Variants in ZBTB17 observed in about 807,000 individuals in gnomAD.
The protein encoded by ZBTB17 is zinc finger and BTB domain-containing protein 17.
In ZBTB17, 24 loss-of-function variants were observed where a neutral mutation model predicts 85.1. The observed-to-expected ratio is 0.28, with a 90% CI of 0.20 to 0.40. The LOEUF is 0.40. Among genes scored for constraint, ZBTB17 ranks in the 10% least tolerant of loss-of-function variants. The pLI is 1.00. For missense variants in ZBTB17, 743 were observed against 1,105.1 expected (o/e 0.67, Z 4.65); for synonymous variants, 464 against 460.2 (o/e 1.01, Z -0.11).
chr1:15,975,924 C>G (rs1246664674), intron 1 of ZBTB17, 59 bp downstream of exon 1: 6 of 695,632 alleles, frequency 8.6e-6, no homozygotes, highest in African/African-American at 7.0e-5. Context: ...CCCCATCCTC[C>G]GCCGCCTCCG....
Position 15,971,417 on chromosome 1 carries a change from C to CTA in ZBTB17, c.-3+1620_-3+1621dup, listed in dbSNP as rs113675523. Among the ~76,000 whole-genome samples, 12 of 127,298 alleles carry CTA rather than the reference C, an allele frequency of 9.4e-5. 1 individual carries two copies. Among genetic ancestry groups the CTA allele is most frequent in the African/African-American group, 2.2e-4 (7 of 31,650 alleles). 83.5% of individuals were successfully genotyped at this position (127,298 alleles called of 152,430 possible). ...TACACACTATATATATACACACACA[C>CTA]TATATATATATACACACACACTATA... is the stretch of plus-strand genomic sequence containing the variant. On this transcript the variant is annotated intron_variant, in intron 2 of 15. Coordinates refer to ENST00000375743, the MANE Select transcript of ZBTB17 (RefSeq NM_003443.3).
rs1269200196 is a variant in ZBTB17 at position 15,946,302 on chromosome 1, T to C, written c.395-8A>G. On this transcript the variant is annotated splice_polypyrimidine_tract_variant and splice_region_variant and intron_variant, in intron 4 of 15. Transcript: ENST00000375743. Reference sequence around the variant, plus strand: ...TGGCTCTCTTGTCCCCTCCTGGAGATGGAACAGGGCAGACCTGCCGTTTCC... The same window carrying C: ...TGGCTCTCTTGTCCCCTCCTGGAGACGGAACAGGGCAGACCTGCCGTTTCC... The C allele has an allele frequency of 1.2e-6, 2 of 1,611,088 alleles. No homozygotes were observed. The highest frequency in any genetic ancestry group is 1.3e-5 in the African/African-American group (1 of 74,886).
chr1:15,949,532 GGTA>G (rs1395005389), intron 2 of ZBTB17, among the ~76,000 whole-genome samples: 1 of 152,252 alleles, frequency 6.6e-6, no homozygotes, highest in African/African-American at 2.4e-5. Context: ...TCTGCTAAGG[GGTA>G]GTGAGTTCTC....
At chr1:15,970,283 G>T (rs2072598064) in intron 2 of ZBTB17, 3 of 327,862 alleles carry the variant, frequency 9.2e-6, no homozygotes, top group Non-Finnish European at 1.1e-5. Flanking sequence ...AGCCCTCATG[G>T]GAAGATGCTC....
intron 5 of ZBTB17, 97 bp from the exon 6 acceptor site, chr1:15,945,937 C>T (rs535117131): frequency 6.4e-7 from 1 of 1,562,052 alleles, no homozygotes; most frequent in African/African-American, 1.3e-5. Context: ...TGCGTGTGAC[C>T]CAGGAGGGGA....
At chr1:15,944,010 G>A (rs1484537154) in intron 9 of ZBTB17, 115 bp from the exon 10 acceptor site, 1 of 1,116,714 alleles carries the variant, frequency 9.0e-7, no homozygotes, top group Non-Finnish European at 1.3e-6. Context: ...GTCCGTGAAG[G>A]GCTCTATCTC....
At chr1:15,958,429 A>C (rs1344978633) in intron 2 of ZBTB17, among the ~76,000 whole-genome samples, 1 of 151,850 alleles carries the variant, frequency 6.6e-6, no homozygotes. Flanking sequence ...AAAAAAAAAA[A>C]AAAAACACAC....
chr1:15,944,255 C>T (rs1051640044), intron 9 of ZBTB17, 45 bp downstream of exon 9: 13 of 1,546,454 alleles, frequency 8.4e-6, no homozygotes, highest in Non-Finnish European at 1.1e-5. Flanking sequence ...GCGGCTGCGG[C>T]CACCGGCGGC....
intron 13 of ZBTB17, 89 bp from the exon 14 acceptor site, chr1:15,942,827 CCT>C (rs2071420034): frequency 6.7e-7 from 1 of 1,497,184 alleles, no homozygotes; most frequent in Non-Finnish European, 9.1e-7. Flanking sequence ...GCCCAGCAAC[CCT>C]GTCTTTTACA....
intron 2 of ZBTB17, 132 bp from the exon 3 acceptor site, chr1:15,948,629 CAAAAGGGCAG>C: frequency 1.0e-6 from 1 of 968,118 alleles, no homozygotes; most frequent in East Asian, 2.6e-5. Flanking sequence ...ATTTCTGCCA[CAAAAGGGCAG>C]TTCAGTCCAG....
rs1413593820 is a variant in ZBTB17 at position 15,953,119 on chromosome 1, A to G, written c.-2-4622T>C. 6.6e-6 allele frequency: 1 copy of G among 152,124 alleles called. No individual in the cohort carries two copies. Among genetic ancestry groups the G allele is most frequent in the African/African-American group, 2.4e-5 (1 of 41,406 alleles). 9.4% of individuals were successfully genotyped at this position (152,124 alleles called of 1,614,324 possible). Reference sequence around the variant, plus strand: ...GGAGTCCCCTGGATTTATTACTTAAACTAAATGTGTATATTTCATATACAT... The same window carrying G: ...GGAGTCCCCTGGATTTATTACTTAAGCTAAATGTGTATATTTCATATACAT... On this transcript the variant is annotated intron_variant, in intron 2 of 15. Coordinates refer to ENST00000375743, the MANE Select transcript of ZBTB17 (RefSeq NM_003443.3). This position sits in a 1 kb window ranked among gnomAD's most constrained non-coding sequence, Gnocchi z 5.1.
chr1:15,944,996 C>T lies in ZBTB17; in HGVS notation c.868G>A (p.Gly290Ser), dbSNP rs1248601301. ...GACTCCGTGCGGTCGCCGTAGGTGC[C>T]TGAGCGCAGGCCCCGGGCCTCGGAG... ...LGSEARGLRS[G>S]TYGDRTESKA... Residue 290 changes from glycine (G) to serine (S), a missense_variant, in exon 7 of 16, where the codon GGC (glycine) becomes AGC (serine). Around this residue, in one of 4 missense-constraint regions of ZBTB17, gnomAD observed 279 missense variants for 269.9 expected, o/e 1.03. Coordinates refer to ENST00000375743, the MANE Select transcript of ZBTB17 (RefSeq NM_003443.3). 2 of 1,592,132 alleles carry T rather than the reference C, an allele frequency of 1.3e-6. No individual in the cohort carries two copies. The highest frequency in any genetic ancestry group is 3.5e-5 in the Admixed American group (2 of 57,576).
chr1:15,967,030 G>A (rs2148809496), intron 2 of ZBTB17, among the ~76,000 whole-genome samples: 1 of 151,722 alleles, frequency 6.6e-6, no homozygotes, highest in Non-Finnish European at 1.5e-5. Flanking sequence ...GGAGTTTTTT[G>A]TTTTCATTAA....
In ZBTB17 at chr1:15,944,293, C is replaced by T. The variant is rs758748430; in HGVS notation, c.1371+7G>A. ...CCAGGCGCTGGTTCCGGGAGGGGTC[C>T]GCACACCTGGTTGAACTTCTTGTCG... On this transcript the variant is annotated splice_region_variant and intron_variant, in intron 9 of 15. Transcript: ENST00000375743. 1.2e-5 allele frequency: 18 copies of T among 1,550,800 alleles called. No homozygotes were observed. Among genetic ancestry groups the T allele is most frequent in the East Asian group, 2.4e-5 (1 of 40,916 alleles).
chr1:15,962,620 CTG>C (rs2072299208), intron 2 of ZBTB17, among the ~76,000 whole-genome samples: 2 of 152,244 alleles, frequency 1.3e-5, no homozygotes, highest in South Asian at 2.1e-4. Context: ...ACTCTAAAAA[CTG>C]TGCCCTTTCC....
At chr1:15,962,913 C>T (rs2072311392) in intron 2 of ZBTB17, among the ~76,000 whole-genome samples, 1 of 152,102 alleles carries the variant, frequency 6.6e-6, no homozygotes, top group Non-Finnish European at 1.5e-5. Flanking sequence ...TGAGTAACCA[C>T]TGCACTCCAG....
intron 2 of ZBTB17, among the ~76,000 whole-genome samples, chr1:15,968,523 G>A (rs868020031): frequency 1.3e-5 from 2 of 152,164 alleles, no homozygotes; most frequent in Non-Finnish European, 2.9e-5. Flanking sequence ...CTAAGAAGTC[G>A]CAGGGGAGGG....
chr1:15,967,496 C>T (rs189837677), intron 2 of ZBTB17, among the ~76,000 whole-genome samples: 8 of 151,258 alleles, frequency 5.3e-5, no homozygotes, highest in Admixed American at 2.6e-4. Flanking sequence ...CTGGGCAACA[C>T]GGCGAGATTC....
rs546228953 is a variant in ZBTB17 at position 15,962,074 on chromosome 1, G to C, written c.-3+10965C>G. Among the ~76,000 whole-genome samples the C allele has an allele frequency of 2.6e-5, 4 of 152,250 alleles. No individual in the cohort carries two copies. In the South Asian group the frequency reaches 8.3e-4, roughly 32 times the overall value. ...CAAAATAATTTAGCCGGGTGTGGTG[G>C]CAGGTGTCTATGGTCCCAGCCACTC... is the stretch of plus-strand genomic sequence containing the variant. On this transcript the variant is annotated intron_variant, in intron 2 of 15. Transcript: ENST00000375743.
Sources: gnomAD v4.1 joint callset for allele counts (sites outside exome capture counted in the v4.1 genomes callset) on GRCh38, gnomAD v4.1.1 for gene constraint, gnomAD v4.1.1 regional missense constraint, Gnocchi (gnomAD v3.1) non-coding constraint, MANE v1.5 for transcripts, NCBI Gene and HGNC (gene_info 2026-07-23, HGNC 2026-07-21) for gene names.